Variants in RGS3 observed in about 807,000 individuals in gnomAD.
RGS3 encodes the protein regulator of G-protein signalling 3.
In RGS3, 80 loss-of-function variants were observed where a neutral mutation model predicts 132.6. The observed-to-expected ratio is 0.60, with a 90% CI of 0.50 to 0.73. RGS3 has a LOEUF of 0.73. Ranked by LOEUF, RGS3 falls within the 30% of genes least tolerant of loss-of-function variation. The pLI is 0.00. For synonymous variants in RGS3, 598 were observed against 620.6 expected, an observed-to-expected ratio of 0.96 and a Z score of 0.54; for missense variants, 1,382 against 1,530.8, an observed-to-expected ratio of 0.90 and a Z score of 1.62.
At chr9:113,504,956 C>A (rs1831064766) in intron 10 of RGS3, 1 of 159,778 alleles carries the variant, frequency 6.3e-6, no homozygotes, top group South Asian at 1.8e-4. Context: ...CCCAGTGTTT[C>A]CTCCCCTGTG....
chr9:113,553,459 A>AAAAAAAAAAAAAAAAATATAT (rs1426114805), intron 19 of RGS3, among the ~76,000 whole-genome samples: 1 of 58,702 alleles, frequency 1.7e-5, no homozygotes, highest in African/African-American at 7.2e-5. Context: ...AAAAAAAAAA[A>AAAAAAAAAAAAAAAAATATAT]ATATATATAT....
At chr9:113,580,761 C>G in intron 19 of RGS3, 1 of 979,706 alleles carries the variant, frequency 1.0e-6, no homozygotes, top group South Asian at 4.7e-5. Flanking sequence ...CGATTTAGAA[C>G]AGGGTTGGCA....
At chr9:113,473,417 C>T (rs1455580233) in intron 3 of RGS3, among the ~76,000 whole-genome samples, 1 of 152,186 alleles carries the variant, frequency 6.6e-6, no homozygotes, top group African/African-American at 2.4e-5. Context: ...GGGTCTCACT[C>T]TGTTGCCCAG....
intron 19 of RGS3, among the ~76,000 whole-genome samples, chr9:113,552,843 T>G (rs1395982728): frequency 3.3e-5 from 5 of 152,226 alleles, no homozygotes; most frequent in African/African-American, 9.7e-5. Flanking sequence ...TGCACATTTT[T>G]TGTTAAATTT....
At position 113,524,708 on chromosome 9, in the gene RGS3, C is replaced by T. The variant is rs1262266685; in HGVS notation, c.1870+1667C>T. ...GACTGGGAACTAAGGGTGGGGCCAG[C>T]GCTTTGTGTCCCTCCCAGCTCTGAT... On this transcript the variant is annotated intron_variant, in intron 17 of 24. Transcript: ENST00000350696. 2.0e-5 allele frequency among the ~76,000 whole-genome samples: 3 copies of T among 152,180 alleles called. 1 individual carries two copies. The highest frequency in any genetic ancestry group is 4.4e-5 in the Non-Finnish European group (3 of 68,042).
chr9:113,514,466 A>G lies in RGS3; in HGVS notation c.1486A>G (p.Ser496Gly), dbSNP rs1403339646. The change falls in exon 15 of 25, where the codon AGT becomes GGT. Residue 496 changes from serine (S) to glycine (G), a missense_variant. Ser to Gly is a moderately conservative substitution (Grantham distance 56). Coordinates refer to ENST00000350696, the Ensembl canonical transcript of RGS3. ...CCATCTCTGTTTCACAGAATCAGGG[A>G]GTCCCAGTAAAGGGAAGTCCTACAC... 14 of 1,613,422 alleles carry G rather than the reference A, an allele frequency of 8.7e-6. No individual in the cohort carries two copies. The Admixed American group carries it at 2.3e-4, about 27-fold the overall frequency.
intron 24 of RGS3, 80 bp downstream of exon 22, chr9:113,595,845 G>A: frequency 1.3e-6 from 2 of 1,493,570 alleles, no homozygotes; most frequent in Non-Finnish European, 1.8e-6. Flanking sequence ...GCAGCCAGCA[G>A]CACAGGAAGG....
upstream of RGS3, among the ~76,000 whole-genome samples, chr9:113,458,014 C>T (rs183818976): frequency 4.6e-5 from 7 of 152,240 alleles, no homozygotes; most frequent in Admixed American, 3.9e-4. Context: ...TCTTCATAGA[C>T]CAATTTGACT....
chr9:113,498,463 G>A (rs546940900), intron 10 of RGS3, among the ~76,000 whole-genome samples: 61 of 152,298 alleles, frequency 4.0e-4, no homozygotes, highest in Non-Finnish European at 7.2e-4. Flanking sequence ...GGGCAGCTGC[G>A]ATTCTGAACC....
intron 7 of RGS3, among the ~76,000 whole-genome samples, chr9:113,488,129 T>C (rs762549246): frequency 8.5e-5 from 13 of 152,174 alleles, no homozygotes; most frequent in African/African-American, 1.9e-4. Context: ...GAAAACAGAC[T>C]CAGGCCATAT....
intron 10 of RGS3, among the ~76,000 whole-genome samples, chr9:113,502,893 C>T (rs1427201803): frequency 6.6e-6 from 1 of 152,208 alleles, no homozygotes. Flanking sequence ...GCCTTTATCT[C>T]CTAGTCAGTA....
Position 113,565,875 on chromosome 9 carries a change from C to CCG in RGS3, c.2038-17575_2038-17574insCG. 1 of 139,036 alleles carries CCG rather than the reference C, an allele frequency of 7.2e-6. No homozygotes were observed. The highest frequency in any genetic ancestry group is 7.5e-5 in the Admixed American group (1 of 13,394). 8.6% of individuals were successfully genotyped at this position (139,036 alleles called of 1,614,324 possible). ...ATTTGTGCTCTGTTCTGAGATAGCT[C>CCG]TGTGTGTGTGTGTGTGTGTGTGTGT... On this transcript the variant is annotated intron_variant, in intron 19 of 24. Coordinates refer to ENST00000350696, the Ensembl canonical transcript of RGS3. This position sits in a 1 kb window ranked among gnomAD's most constrained non-coding sequence, Gnocchi z 5.7.
exon 25 of RGS3, chr9:113,596,922 T>C: frequency 1.9e-6 from 3 of 1,611,952 alleles, no homozygotes; most frequent in Non-Finnish European, 2.5e-6. Flanking sequence ...CTGGACCTTA[T>C]TAACCAGAAG....
chr9:113,457,088 G>A (rs1055484313), upstream of RGS3, among the ~76,000 whole-genome samples: 5 of 152,160 alleles, frequency 3.3e-5, no homozygotes, highest in African/African-American at 9.7e-5. Flanking sequence ...GAGTCACCGC[G>A]CCTGGCCGAG....
intron 19 of RGS3, among the ~76,000 whole-genome samples, chr9:113,547,430 A>G (rs980942969): frequency 6.6e-6 from 1 of 152,084 alleles, no homozygotes; most frequent in Non-Finnish European, 1.5e-5. Flanking sequence ...AGCCTCCCCC[A>G]TTGGAGGCCA....
chr9:113,499,533 G>A (rs190000219), intron 10 of RGS3, among the ~76,000 whole-genome samples: 1 of 152,222 alleles, frequency 6.6e-6, no homozygotes, highest in Non-Finnish European at 1.5e-5. Flanking sequence ...AGTATTTTAC[G>A]TATTACACAA....
chr9:113,491,248 G>T (rs1353419519), intron 7 of RGS3, among the ~76,000 whole-genome samples: 1 of 147,130 alleles, frequency 6.8e-6, no homozygotes, highest in East Asian at 2.0e-4. Flanking sequence ...GTAATTAAAG[G>T]GCATAATCTT....
At chr9:113,498,921 G>GA (rs755573432) in intron 10 of RGS3, among the ~76,000 whole-genome samples, 1,178 of 46,786 alleles carry the variant, frequency 0.025, 20 homozygotes, top group African/African-American at 0.055. Context: ...TGTCTCAATT[G>GA]AAAAAAAAAA....
chr9:113,482,506 G>A (rs1404481572), intron 4 of RGS3, among the ~76,000 whole-genome samples: 1 of 152,094 alleles, frequency 6.6e-6, no homozygotes, highest in Non-Finnish European at 1.5e-5. Flanking sequence ...TGTGCTGTCC[G>A]CCAGCCACAG....
Sources: allele counts gnomAD v4.1 joint callset (sites outside exome capture counted in the v4.1 genomes callset), GRCh38; gene constraint gnomAD v4.1.1; non-coding constraint Gnocchi (gnomAD v3.1); transcripts MANE v1.5; gene names NCBI Gene and HGNC (gene_info 2026-07-23, HGNC 2026-07-21).